BOD1: variants seen among roughly 807,000 people sequenced by gnomAD.
The protein encoded by BOD1 is biorientation of chromosomes in cell division protein 1.
Under a neutral mutation model 15.7 loss-of-function variants are expected in BOD1, and 11 were observed. The observed-to-expected ratio is 0.70, with a 90% CI of 0.44 to 1.16. The LOEUF (loss-of-function observed/expected upper bound fraction) is 1.16, where lower values mean the gene tolerates loss of function less well. Among genes scored for constraint, BOD1 ranks in the 50% most tolerant of loss-of-function variants. The probability of loss-of-function intolerance (pLI) is 0.00; values close to 1 mark genes in which losing one functional copy is unlikely to be tolerated. For synonymous variants in BOD1, 105 were observed against 103.5 expected, an observed-to-expected ratio of 1.01 and a Z score of -0.09; for missense variants, 182 against 244.5, an observed-to-expected ratio of 0.74 and a Z score of 1.70.
intron 1 of BOD1, 135 bp downstream of exon 1, chr5:173,616,065 C>A: frequency 8.9e-7 from 1 of 1,127,216 alleles, no homozygotes; most frequent in Non-Finnish European, 1.3e-6. Flanking sequence ...CCGTACTGCC[C>A]CAAGCGGTGT....
intron 2 of BOD1, among the ~76,000 whole-genome samples, chr5:173,610,480 C>T (rs1051372183): frequency 6.6e-6 from 1 of 152,128 alleles, no homozygotes; most frequent in African/African-American, 2.4e-5. Flanking sequence ...AACAGCTTAT[C>T]GACAGGAAGC....
Position 173,616,520 on chromosome 5 carries a change from G to C in BOD1, c.-84C>G. On this transcript the variant is annotated 5_prime_UTR_variant, in exon 1 of 4. Coordinates refer to ENST00000311086, the MANE Select transcript of BOD1 (RefSeq NM_138369.3). ...CCTAGAACGTGTAGAGGTGGTGAAG[G>C]GGGCGGTGAAGGAGGAGGGCCCCAA... 1 of 1,465,950 alleles carries C rather than the reference G, an allele frequency of 6.8e-7. No individual in the cohort carries two copies. The highest frequency in any genetic ancestry group is 2.5e-5 in the Admixed American group (1 of 39,542). The allele number at this position is 1,465,950 out of a possible 1,614,324, so 90.8% of individuals were successfully genotyped here.
At chr5:173,612,352 G>T (rs903247798) in intron 2 of BOD1, among the ~76,000 whole-genome samples, 1 of 152,174 alleles carries the variant, frequency 6.6e-6, no homozygotes, top group Non-Finnish European at 1.5e-5. Flanking sequence ...GTCCAATCCA[G>T]ACCTTATTTA....
At chr5:173,613,600 G>A (rs1755413554) in intron 1 of BOD1, among the ~76,000 whole-genome samples, 1 of 152,202 alleles carries the variant, frequency 6.6e-6, no homozygotes, top group Admixed American at 6.5e-5. Context: ...GCTGAACTTT[G>A]GTAGACCTGC....
At chr5:173,608,524 T>A (rs1755265341) in intron 3 of BOD1, among the ~76,000 whole-genome samples, 1 of 152,160 alleles carries the variant, frequency 6.6e-6, no homozygotes, top group African/African-American at 2.4e-5. Flanking sequence ...CCTCACTTAC[T>A]GATTATAACA....
chr5:173,609,111 A>T, intron 3 of BOD1, 127 bp downstream of exon 3: 2 of 1,026,130 alleles, frequency 1.9e-6, no homozygotes, highest in Non-Finnish European at 2.8e-6. Flanking sequence ...TTATAACAGT[A>T]GGTGAAGTCC....
At position 173,609,756 on chromosome 5, in the gene BOD1, C is replaced by T. The variant is rs1421260503; in HGVS notation, c.363-322G>A. ...CAGCATGGTGAGAAAGAGTTTGACA[C>T]GTGTGGCACTGAAAAGCTTCCTCGT... On this transcript the variant is annotated intron_variant, in intron 2 of 3. Coordinates refer to ENST00000311086, the MANE Select transcript of BOD1 (RefSeq NM_138369.3). 2.6e-5 allele frequency: 7 copies of T among 267,452 alleles called. 1 individual carries two copies. In the East Asian group the frequency reaches 5.0e-4, roughly 19 times the overall value. The allele number at this position is 267,452 out of a possible 1,614,324, so 16.6% of individuals were successfully genotyped here. A position where few individuals can be genotyped will look rare whatever the true frequency, so the allele number is the denominator to read the frequency against.
chr5:173,612,353 AC>A (rs1755376310), intron 2 of BOD1, among the ~76,000 whole-genome samples: 1 of 152,178 alleles, frequency 6.6e-6, no homozygotes, highest in Admixed American at 6.5e-5. Context: ...TCCAATCCAG[AC>A]CTTATTTAGA....
chr5:173,616,567 G>C lies in BOD1; in HGVS notation c.-131C>G. On this transcript the variant is annotated 5_prime_UTR_variant, in exon 1 of 4. The change creates a new upstream start codon in the 5' untranslated region. Coordinates refer to ENST00000311086, the MANE Select transcript of BOD1 (RefSeq NM_138369.3). Reference sequence around the variant, plus strand: ...CCAAGGCGGCAGCGGCGGAGGTGGCGATGGCGGCAGGGGCGGTGGTGGGGG... The same window carrying C: ...CCAAGGCGGCAGCGGCGGAGGTGGCCATGGCGGCAGGGGCGGTGGTGGGGG... 1 of 1,382,114 alleles carries C rather than the reference G, an allele frequency of 7.2e-7. No homozygotes were observed. The highest frequency in any genetic ancestry group is 9.3e-7 in the Non-Finnish European group (1 of 1,074,820). The allele number at this position is 1,382,114 out of a possible 1,614,324, so 85.6% of individuals were successfully genotyped here. A position where few individuals can be genotyped will look rare whatever the true frequency, so the allele number is the denominator to read the frequency against.
In BOD1 at chr5:173,608,159, C is replaced by T. The variant is rs1172220073; in HGVS notation, c.*135G>A. The T allele has an allele frequency of 9.5e-5, 104 of 1,090,386 alleles. 1 individual carries two copies. In the South Asian group the frequency reaches 1.2e-3, roughly 12 times the overall value. The allele number at this position is 1,090,386 out of a possible 1,614,324, so 67.5% of individuals were successfully genotyped here. On this transcript the variant is annotated 3_prime_UTR_variant, in exon 4 of 4. Transcript: ENST00000311086. ...GAACTTGCTCCCCTTTCAATCTGGTCACTGCCCATGGTCAAGGTTGAAATC... is the reference window on the plus strand; with the variant it reads ...GAACTTGCTCCCCTTTCAATCTGGTTACTGCCCATGGTCAAGGTTGAAATC...
chr5:173,615,457 A>C (rs1180382367), intron 1 of BOD1, among the ~76,000 whole-genome samples: 1 of 152,226 alleles, frequency 6.6e-6, no homozygotes, highest in Non-Finnish European at 1.5e-5. Flanking sequence ...GAGTCCAGTG[A>C]CAGGGTCTCC....
chr5:173,612,321 A>C (rs2113334650), intron 2 of BOD1, among the ~76,000 whole-genome samples: 2 of 152,360 alleles, frequency 1.3e-5, no homozygotes, highest in South Asian at 4.1e-4. Context: ...GTGCAATATC[A>C]AAACCAGGAA....
Position 173,609,396 on chromosome 5 carries a change from GAAATA to G in BOD1, c.396_400del (p.Ile133SerfsTer8), listed in dbSNP as rs1755288853. ...GTTAAGTTTTGGATCCACCACCTGA[GAAATA>G]ATCCTGTCTACTCCAGCTTCCAACA... On this transcript the variant is annotated frameshift_variant, in exon 3 of 4. Transcript: ENST00000311086. LOFTEE classifies it high-confidence loss of function. 23 of 1,614,220 alleles carry G rather than the reference GAAATA, an allele frequency of 1.4e-5. No homozygotes were observed. The highest frequency in any genetic ancestry group is 1.7e-5 in the Non-Finnish European group (20 of 1,180,038).
Position 173,614,945 on chromosome 5 carries a change from A to C in BOD1, c.237+1255T>G, listed in dbSNP as rs1301544462. Reference sequence around the variant, plus strand: ...ACACAAGTACTTCCATACCGCAACAATTGGGTAAATGAAACCGCAGAAAGC... The same window carrying C: ...ACACAAGTACTTCCATACCGCAACACTTGGGTAAATGAAACCGCAGAAAGC... On this transcript the variant is annotated intron_variant, in intron 1 of 3. Transcript: ENST00000311086. 2.0e-5 allele frequency: 3 copies of C among 152,378 alleles called. No homozygotes were observed. The East Asian group carries it at 5.8e-4, about 29-fold the overall frequency. The allele number at this position is 152,378 out of a possible 1,614,324, so 9.4% of individuals were successfully genotyped here. A position where few individuals can be genotyped will look rare whatever the true frequency, so the allele number is the denominator to read the frequency against.
At chr5:173,616,103 T>A (rs941580113) in intron 1 of BOD1, 97 bp downstream of exon 1, 2 of 1,454,952 alleles carry the variant, frequency 1.4e-6, no homozygotes, top group Non-Finnish European at 1.9e-6. Context: ...ATTTCTAAGC[T>A]ATCTTTTGTT....
chr5:173,615,673 C>T (rs1001315661), intron 1 of BOD1, among the ~76,000 whole-genome samples: 5 of 152,174 alleles, frequency 3.3e-5, no homozygotes, highest in African/African-American at 9.7e-5. Context: ...CTCCTTTTAT[C>T]AATGATGAAG....
At position 173,613,229 on chromosome 5, in the gene BOD1, T is replaced by C. The variant is rs745502678; in HGVS notation, c.264A>G (p.Lys88=). Residue 88 remains lysine (K), a synonymous_variant, in exon 2 of 4, where the codon AAA becomes AAG. Coordinates refer to ENST00000311086, the MANE Select transcript of BOD1 (RefSeq NM_138369.3). ...TKPAYQNLRQ[K]VDNFVSTHLD... The stretch of plus-strand genomic sequence containing the variant: ...GATGTGTTGACACAAAATTATCCAC[T>C]TTCTGCCTCAGGTTTTGGTAAGCTG... 6.5e-7 allele frequency: 1 copy of C among 1,531,114 alleles called. No individual in the cohort carries two copies. The highest frequency in any genetic ancestry group is 1.1e-5 in the South Asian group (1 of 87,004). The allele number at this position is 1,531,114 out of a possible 1,614,324, so 94.8% of individuals were successfully genotyped here.
intron 1 of BOD1, among the ~76,000 whole-genome samples, chr5:173,615,943 G>A (rs1429918797): frequency 6.6e-6 from 1 of 152,160 alleles, no homozygotes; most frequent in East Asian, 1.9e-4. Flanking sequence ...ATACGGTCTA[G>A]GCTCTAAAAC....
chr5:173,611,681 G>T (rs1358066272), intron 2 of BOD1, among the ~76,000 whole-genome samples: 2 of 152,184 alleles, frequency 1.3e-5, no homozygotes, highest in African/African-American at 4.8e-5. Flanking sequence ...TCCATTTCTC[G>T]ATCTGGGTGA....
Sources: gnomAD v4.1 joint callset for allele counts (sites outside exome capture counted in the v4.1 genomes callset) on GRCh38, gnomAD v4.1.1 for gene constraint, MANE v1.5 for transcripts, NCBI Gene and HGNC (gene_info 2026-07-23, HGNC 2026-07-21) for gene names.